Variants in TNK2 observed in about 807,000 individuals in gnomAD.
The protein encoded by TNK2 is tyrosine kinase non receptor 2, also known as activated CDC42 kinase 1.
A neutral mutation model predicts 101.8 loss-of-function variants in TNK2; 83 were observed. That is an observed-to-expected ratio of 0.82 (90% CI 0.68 to 0.98). TNK2 has a LOEUF of 0.98. Ranked by LOEUF, TNK2 falls within the 50% of genes least tolerant of loss-of-function variation. The pLI is 0.00. For missense variants in TNK2, 1,665 were observed against 1,483.2 expected, an observed-to-expected ratio of 1.12 and a Z score of -2.01; for synonymous variants, 804 against 633.0, an observed-to-expected ratio of 1.27 and a Z score of -4.06.
At chr3:195,907,437 C>T (rs1291295423) in intron 1 of TNK2, among the ~76,000 whole-genome samples, 3 of 152,250 alleles carry the variant, frequency 2.0e-5, no homozygotes, top group Non-Finnish European at 4.4e-5. Context: ...GACTCACAGC[C>T]ACACCTCGGG....
chr3:195,868,961 T>C (rs906950197), intron 12 of TNK2: 6 of 533,952 alleles, frequency 1.1e-5, no homozygotes, highest in Admixed American at 3.7e-5. Flanking sequence ...CCGTCTAAGC[T>C]GCAGCAAGCA....
chr3:195,892,402 C>T (rs1283241477), intron 1 of TNK2: 2 of 1,530,300 alleles, frequency 1.3e-6, no homozygotes, highest in East Asian at 2.5e-5. Context: ...GCCCCTGCCC[C>T]CCACTCACTG....
At position 195,878,816 on chromosome 3, in the gene TNK2, C is replaced by T. The variant is rs1750830859; in HGVS notation, c.1015-224G>A. ...TGTGGCAAGGGCTAGAGAAGGAGGG[C>T]AGGCCCCAGCTTTTCCCTCCCCGTC... On this transcript the variant is annotated intron_variant, in intron 7 of 15. Coordinates refer to ENST00000672887, the MANE Select transcript of TNK2 (RefSeq NM_001382273.1). This position sits in a 1 kb window ranked among gnomAD's most constrained non-coding sequence, Gnocchi z 4.7. Among the ~76,000 whole-genome samples, 1 of 152,216 alleles carries T rather than the reference C, an allele frequency of 6.6e-6. No individual in the cohort carries two copies. Among genetic ancestry groups the T allele is most frequent in the Non-Finnish European group, 1.5e-5 (1 of 68,028 alleles).
Position 195,868,506 on chromosome 3 carries a change from G to T in TNK2, c.1792C>A (p.Arg598=). Residue 598 remains arginine (R), a synonymous_variant, in exon 13 of 16, where the codon CGG becomes AGG. Transcript: ENST00000672887. ...FGEEPVVPAL[R]PCAPSLAQLA... is the part of the protein sequence containing the mutation. ...TGCGCCAGGGAGGGCGCGCAGGGCC[G>T]TAGGGCCGGGACCACGGGCTCCTCA... 1 of 1,553,162 alleles carries T rather than the reference G, an allele frequency of 6.4e-7. No individual in the cohort carries two copies. Among genetic ancestry groups the T allele is most frequent in the Non-Finnish European group, 8.6e-7 (1 of 1,159,148 alleles).
At chr3:195,881,639 C>A (rs1174312004) in intron 6 of TNK2, among the ~76,000 whole-genome samples, 1 of 101,982 alleles carries the variant, frequency 9.8e-6, no homozygotes, top group Non-Finnish European at 2.0e-5. Context: ...TGTAACACCC[C>A]CCCCCCAGCA....
intron 1 of TNK2, among the ~76,000 whole-genome samples, chr3:195,902,612 C>G (rs1303182579): frequency 7.8e-6 from 1 of 128,350 alleles, no homozygotes; most frequent in Admixed American, 8.0e-5. Flanking sequence ...AGCAAGACTC[C>G]GTCTCAAAAA....
rs13433937 is a variant in TNK2, at chr3:195,864,185, C to T, written c.3164G>A (p.Arg1055His). 0.044 allele frequency: 70,309 copies of T among 1,613,758 alleles called. 1,831 individuals carry two copies. The highest frequency in any genetic ancestry group is 0.052 in the Non-Finnish European group (61,573 of 1,179,772). Residue 1055 changes from arginine (R) to histidine (H), a missense_variant and splice_region_variant, in exon 16 of 16, where the codon CGC becomes CAC. Physicochemically the swap from Arg to His is conservative, Grantham distance 29 (BLOSUM62 0). This residue lies in a region of TNK2 where 1,136 missense variants were observed against 894.9 expected (regional missense o/e 1.27). Transcript: ENST00000672887. ...CTCTGGCTCTCCAGACGCATCTCAG[C>T]GCCTAGAGAATGGGAAACCACCAGC... ...LGSWGPAHHK[R>H]
chr3:195,902,231 C>T (rs1761272961), intron 1 of TNK2, among the ~76,000 whole-genome samples: 1 of 152,156 alleles, frequency 6.6e-6, no homozygotes, highest in Non-Finnish European at 1.5e-5. Flanking sequence ...TCCTCAAAAG[C>T]CCAGGAACTG....
intron 6 of TNK2, chr3:195,879,380 T>G (rs1751166871): frequency 4.9e-6 from 3 of 609,534 alleles, no homozygotes; most frequent in Admixed American, 3.3e-5. Flanking sequence ...AGCCCAGGCC[T>G]CTTATTCACT....
intron 1 of TNK2, among the ~76,000 whole-genome samples, chr3:195,893,705 C>T (rs570263507): frequency 3.9e-5 from 6 of 152,158 alleles, no homozygotes; most frequent in Admixed American, 2.6e-4. Context: ...TCCCCAGGCA[C>T]CCCCCTCCCT....
intron 12 of TNK2, 122 bp from the exon 13 acceptor site, chr3:195,868,831 C>A: frequency 8.0e-7 from 1 of 1,245,214 alleles, no homozygotes; most frequent in Non-Finnish European, 1.1e-6. Flanking sequence ...CCAACTCCCC[C>A]CGAGGTCTGA....
chr3:195,899,662 G>A (rs189301416), intron 1 of TNK2, among the ~76,000 whole-genome samples: 3 of 152,140 alleles, frequency 2.0e-5, no homozygotes, highest in Non-Finnish European at 4.4e-5. Flanking sequence ...TATCCATCAC[G>A]TTCCTATCCT....
chr3:195,891,015 C>T (rs1258411409), intron 1 of TNK2, among the ~76,000 whole-genome samples: 1 of 152,200 alleles, frequency 6.6e-6, no homozygotes, highest in Non-Finnish European at 1.5e-5. Context: ...TCTTATGTCT[C>T]TTTATATTAG....
At chr3:195,904,082 G>A (rs962780050) in intron 1 of TNK2, among the ~76,000 whole-genome samples, 1 of 150,718 alleles carries the variant, frequency 6.6e-6, no homozygotes, top group African/African-American at 2.5e-5. Context: ...CCAAACTCCC[G>A]TCTCTACAGA....
intron 9 of TNK2, chr3:195,876,386 G>C (rs900108075): frequency 4.8e-5 from 22 of 456,326 alleles, no homozygotes; most frequent in Non-Finnish European, 1.8e-5. Context: ...AGAAGGCCAG[G>C]CTAGGAGGGA....
chr3:195,879,229 G>A (rs199697262), intron 6 of TNK2, 54 bp from the exon 7 acceptor site: 69 of 1,603,438 alleles, frequency 4.3e-5, no homozygotes, highest in Non-Finnish European at 5.4e-5. Context: ...ACCTGCGTCC[G>A]CCCCAGGGAC....
At position 195,884,645 on chromosome 3, in the gene TNK2, A is replaced by G. The variant is rs113158562; in HGVS notation, c.456+167T>C. ...GGCGACAGAGCGAGACTCCATCTCA[A>G]AAATAAATAAATAAATAAAACCCCA... is the stretch of plus-strand genomic sequence containing the variant. On this transcript the variant is annotated intron_variant, in intron 4 of 15. Coordinates refer to ENST00000672887, the MANE Select transcript of TNK2 (RefSeq NM_001382273.1). The G allele has an allele frequency of 1.4e-4, 88 of 639,690 alleles. No individual in the cohort carries two copies. The African/African-American group carries it at 1.5e-3, about 11-fold the overall frequency. The allele number at this position is 639,690 out of a possible 1,614,324, so 39.6% of individuals were successfully genotyped here.
chr3:195,895,405 G>C (rs1760184079), intron 1 of TNK2: 17 of 1,531,664 alleles, frequency 1.1e-5, no homozygotes, highest in Non-Finnish European at 1.4e-5. Context: ...TGGGGGGCCG[G>C]GCCTCGAGCA....
chr3:195,875,610 GAGGGGACTGAGGCC>G (rs1307963518), intron 9 of TNK2, among the ~76,000 whole-genome samples: 1 of 152,172 alleles, frequency 6.6e-6, no homozygotes, highest in African/African-American at 2.4e-5. Flanking sequence ...CAGCAGTCCA[GAGGGGACTGAGGCC>G]AGCCCTTCCT....
Sources: allele counts gnomAD v4.1 joint callset (sites outside exome capture counted in the v4.1 genomes callset), GRCh38; gene constraint gnomAD v4.1.1; regional missense constraint gnomAD v4.1.1; non-coding constraint Gnocchi (gnomAD v3.1); transcripts MANE v1.5; gene names NCBI Gene and HGNC (gene_info 2026-07-23, HGNC 2026-07-21).